GALNT11: variants seen among roughly 807,000 people sequenced by gnomAD.
GALNT11 encodes UDP-GalNAc:polypeptide N-acetylgalactosaminyltransferase 11.
Under a neutral mutation model 72.7 loss-of-function variants are expected in GALNT11, and 47 were observed. That is an observed-to-expected ratio of 0.65 (90% CI 0.51 to 0.82). GALNT11 has a LOEUF of 0.82. Among genes scored for constraint, GALNT11 ranks in the 40% least tolerant of loss-of-function variants. GALNT11 has a pLI of 0.00. For missense variants in GALNT11, 677 were observed against 778.4 expected, an observed-to-expected ratio of 0.87 and a Z score of 1.55; for synonymous variants, 270 against 286.6, an observed-to-expected ratio of 0.94 and a Z score of 0.58.
Position 152,025,884 on chromosome 7 carries a change from G to T in GALNT11, c.-39G>T. On this transcript the variant is annotated splice_region_variant and 5_prime_UTR_variant, in exon 1 of 12. An upstream open reading frame in the 5' UTR gains an earlier in-frame stop. Transcript: ENST00000430044. The stretch of plus-strand genomic sequence containing the variant: ...GGCGATCCTGGGCTGCGGGCAAGGC[G>T]GTGAGTACCCTCTAGGCGGCGGCCT... The T allele has an allele frequency of 3.7e-6, 1 of 273,110 alleles. No individual in the cohort carries two copies. The highest frequency in any genetic ancestry group is 7.9e-6 in the Non-Finnish European group (1 of 127,018). The allele number at this position is 273,110 out of a possible 1,614,324, so 16.9% of individuals were successfully genotyped here.
chr7:152,116,989 A>G (rs1182179744), intron 8 of GALNT11, 168 bp from the exon 9 acceptor site: 2 of 721,114 alleles, frequency 2.8e-6, no homozygotes, highest in Non-Finnish European at 4.9e-6. Flanking sequence ...TTTGAGACCC[A>G]CTGATCTCAT....
At chr7:152,029,963 A>G (rs1423952860) in intron 1 of GALNT11, among the ~76,000 whole-genome samples, 1 of 152,222 alleles carries the variant, frequency 6.6e-6, no homozygotes, top group Admixed American at 6.5e-5. Context: ...ACAAGGTGGT[A>G]TTGGAGTGTT....
At chr7:152,109,211 C>A (rs1334694373) in intron 6 of GALNT11, among the ~76,000 whole-genome samples, 1 of 152,266 alleles carries the variant, frequency 6.6e-6, no homozygotes, top group Non-Finnish European at 1.5e-5. Flanking sequence ...TCCTAGTGAT[C>A]AGTCCTCTGT....
chr7:152,037,297 A>G (rs2082627150), intron 1 of GALNT11, among the ~76,000 whole-genome samples: 1 of 152,306 alleles, frequency 6.6e-6, no homozygotes, highest in South Asian at 2.1e-4. Context: ...GAGTTTTCGC[A>G]GCACCATTTA....
intron 1 of GALNT11, among the ~76,000 whole-genome samples, chr7:152,038,019 C>T (rs190514004): frequency 7.4e-4 from 113 of 152,284 alleles, no homozygotes; most frequent in Admixed American, 1.8e-3. Context: ...AGCTGCCTGC[C>T]TCAGCCTCCC....
Position 152,121,804 on chromosome 7 carries a change from C to CCGGAGATGCCTGGGTGTGTT in GALNT11, c.*128_*147dup, listed in dbSNP as rs2089454511. 1 of 1,208,868 alleles carries CCGGAGATGCCTGGGTGTGTT rather than the reference C, an allele frequency of 8.3e-7. No individual in the cohort carries two copies. The highest frequency in any genetic ancestry group is 1.1e-6 in the Non-Finnish European group (1 of 874,030). 74.9% of individuals were successfully genotyped at this position (1,208,868 alleles called of 1,614,324 possible). A position where few individuals can be genotyped will look rare whatever the true frequency, so the allele number is the denominator to read the frequency against. ...GAGAAGATGACAGTTCCCTGTCCTCCCGGAGATGCCTGGGTGTGTTAGCAG... is the reference window on the plus strand; with the variant it reads ...GAGAAGATGACAGTTCCCTGTCCTCCCGGAGATGCCTGGGTGTGTTCGGAGATGCCTGGGTGTGTTAGCAG... On this transcript the variant is annotated 3_prime_UTR_variant, in exon 12 of 12. Coordinates refer to ENST00000430044, the MANE Select transcript of GALNT11 (RefSeq NM_022087.4).
intron 1 of GALNT11, among the ~76,000 whole-genome samples, chr7:152,055,560 TGTGTGTG>T (rs869282613): frequency 6.7e-6 from 1 of 148,870 alleles, no homozygotes; most frequent in African/African-American, 2.5e-5. Flanking sequence ...TGTGTGTGTG[TGTGTGTG>T]TATATATACA....
intron 1 of GALNT11, among the ~76,000 whole-genome samples, chr7:152,091,366 G>A (rs975018129): frequency 6.6e-6 from 1 of 151,756 alleles, no homozygotes; most frequent in Non-Finnish European, 1.5e-5. Flanking sequence ...TCAGCCTCCC[G>A]AGTAGCTGGA....
chr7:152,101,923 C>G (rs564470784), intron 3 of GALNT11, among the ~76,000 whole-genome samples: 1 of 152,190 alleles, frequency 6.6e-6, no homozygotes, highest in South Asian at 2.1e-4. Flanking sequence ...TGAGCCACTG[C>G]GCCTGGCCAG....
At chr7:152,117,117 A>G in intron 8 of GALNT11, 40 bp from the exon 9 acceptor site, 2 of 1,548,890 alleles carry the variant, frequency 1.3e-6, no homozygotes, top group South Asian at 1.2e-5. Flanking sequence ...ATTTTTAACA[A>G]AAAATTCGAT....
chr7:152,031,391 G>A (rs553025035), intron 1 of GALNT11, among the ~76,000 whole-genome samples: 1 of 152,314 alleles, frequency 6.6e-6, no homozygotes, highest in Admixed American at 6.5e-5. Flanking sequence ...CAGGGTTGAG[G>A]GCCACGCATG....
At chr7:152,077,430 A>G (rs539696122) in intron 1 of GALNT11, among the ~76,000 whole-genome samples, 1 of 152,224 alleles carries the variant, frequency 6.6e-6, no homozygotes, top group Non-Finnish European at 1.5e-5. Flanking sequence ...TCACAGGAGG[A>G]CAGAAACAAA....
At chr7:152,093,328 G>C (rs1439420128) in intron 1 of GALNT11, among the ~76,000 whole-genome samples, 1 of 151,866 alleles carries the variant, frequency 6.6e-6, no homozygotes, top group Non-Finnish European at 1.5e-5. Context: ...ATAATTACTT[G>C]AACTCTTTAT....
At chr7:152,093,875 T>C (rs1272458608) in intron 1 of GALNT11, 3 of 196,088 alleles carry the variant, frequency 1.5e-5, no homozygotes, top group African/African-American at 2.3e-5. Context: ...GTGAAAATTA[T>C]AACCTGATGA....
chr7:152,072,829 T>C (rs1013937092), intron 1 of GALNT11, among the ~76,000 whole-genome samples: 1 of 152,202 alleles, frequency 6.6e-6, no homozygotes, highest in Non-Finnish European at 1.5e-5. Context: ...AATATTCTAG[T>C]GTCTTTTTTA....
chr7:152,099,639 C>G (rs2086675391), intron 2 of GALNT11, among the ~76,000 whole-genome samples: 1 of 148,476 alleles, frequency 6.7e-6, no homozygotes, highest in Admixed American at 6.8e-5. Context: ...CTGCCCGCCT[C>G]CACTTCCCAT....
chr7:152,043,809 CT>C (rs1413113624), intron 1 of GALNT11, among the ~76,000 whole-genome samples: 1 of 152,172 alleles, frequency 6.6e-6, no homozygotes, highest in Non-Finnish European at 1.5e-5. Flanking sequence ...GCAAACAAAC[CT>C]GCTCTGTTAC....
At chr7:152,029,546 A>G (rs183951189) in intron 1 of GALNT11, among the ~76,000 whole-genome samples, 8 of 152,342 alleles carry the variant, frequency 5.3e-5, no homozygotes, top group African/African-American at 1.7e-4. Context: ...TGGGATTTCA[A>G]TTATTCTTTG....
At chr7:152,033,154 A>C (rs1181870213) in intron 1 of GALNT11, among the ~76,000 whole-genome samples, 1 of 152,202 alleles carries the variant, frequency 6.6e-6, no homozygotes, top group Non-Finnish European at 1.5e-5. Flanking sequence ...TCTGACCCAG[A>C]GAACCTTTGT....
Sources: gnomAD v4.1 joint callset for allele counts (sites outside exome capture counted in the v4.1 genomes callset) on GRCh38, gnomAD v4.1.1 for gene constraint, MANE v1.5 for transcripts, NCBI Gene and HGNC (gene_info 2026-07-23, HGNC 2026-07-21) for gene names.